SMURF1: variants seen among roughly 807,000 people sequenced by gnomAD.
SMURF1 encodes the protein E3 ubiquitin-protein ligase SMURF1.
Under a neutral mutation model 98.0 loss-of-function variants are expected in SMURF1, and 44 were observed. That is an observed-to-expected ratio of 0.45 (90% CI 0.35 to 0.58). The LOEUF (loss-of-function observed/expected upper bound fraction) is 0.58. SMURF1 is among the 20% of genes least tolerant of loss of function. SMURF1 has a pLI of 0.00. For missense variants in SMURF1, 687 were observed against 938.4 expected (o/e 0.73, Z 3.50); for synonymous variants, 396 against 374.9 (o/e 1.06, Z -0.65).
intron 1 of SMURF1, among the ~76,000 whole-genome samples, chr7:99,099,653 G>C (rs1011471324): frequency 1.3e-5 from 2 of 152,106 alleles, no homozygotes; most frequent in African/African-American, 2.4e-5. Context: ...TGGGTCATGG[G>C]GGTGGAGCTC....
intron 3 of SMURF1, among the ~76,000 whole-genome samples, chr7:99,059,828 A>C (rs1483728845): frequency 6.6e-6 from 1 of 151,242 alleles, no homozygotes; most frequent in Non-Finnish European, 1.5e-5. Flanking sequence ...GAATCACTTG[A>C]ATCCAGGAGG....
At position 99,030,602 on chromosome 7, in the gene SMURF1, G is replaced by T; in HGVS notation, c.2178C>A (p.Cys726Ter). ...EKLLTAVEET[C>*]GFAVE is the part of the protein sequence containing the mutation. ...TTGCTTTTCACTCCACAGCAAACCC[G>T]CAGGTCTCCTCCACGGCTGTCAGCA... Residue 726 changes from cysteine (C) to a stop codon, truncating the protein, a stop_gained, in exon 18 of 18, where the codon TGC becomes TGA. Coordinates refer to ENST00000361368, the MANE Select transcript of SMURF1 (RefSeq NM_181349.3). LOFTEE classifies it high-confidence loss of function. 6.2e-7 allele frequency: 1 copy of T among 1,614,128 alleles called. No individual in the cohort carries two copies. The highest frequency in any genetic ancestry group is 8.5e-7 in the Non-Finnish European group (1 of 1,180,000).
chr7:99,063,258 T>TATAAG, intron 1 of SMURF1, among the ~76,000 whole-genome samples: 1 of 5,772 alleles, frequency 1.7e-4, no homozygotes, highest in Non-Finnish European at 4.0e-4. Flanking sequence ...TATATATATA[T>TATAAG]ATATATATAT....
chr7:99,054,849 T>C lies in SMURF1; in HGVS notation c.420A>G (p.Arg140=), dbSNP rs771051257. 6.2e-7 allele frequency: 1 copy of C among 1,614,178 alleles called. No homozygotes were observed. The highest frequency in any genetic ancestry group is 8.5e-7 in the Non-Finnish European group (1 of 1,180,014). ...RGQIVVSLQT[R]DRIGTGGSVV... ...CCGAGCCGCCGGTTCCTATTCTGTC[T>C]CGTGTCTGTAAACTGACTAAAAGAG... The change falls in exon 6 of 18, where the codon CGA becomes CGG. Residue 140 remains arginine, a synonymous_variant. Coordinates refer to ENST00000361368, the MANE Select transcript of SMURF1 (RefSeq NM_181349.3).
intron 12 of SMURF1, 75 bp downstream of exon 12, chr7:99,042,043 C>A (rs1795406460): frequency 8.4e-7 from 1 of 1,185,390 alleles, no homozygotes; most frequent in Admixed American, 1.8e-5. Context: ...AGACCAAGGA[C>A]TGAGAATGAA....
chr7:99,122,348 A>AG (rs1797652454), intron 1 of SMURF1, among the ~76,000 whole-genome samples: 1 of 145,012 alleles, frequency 6.9e-6, no homozygotes, highest in East Asian at 2.1e-4. Flanking sequence ...AAGAAGAAGA[A>AG]GAAGAAAAAA....
At chr7:99,046,175 A>T (rs561614576) in intron 10 of SMURF1, among the ~76,000 whole-genome samples, 32 of 152,322 alleles carry the variant, frequency 2.1e-4, no homozygotes, top group Admixed American at 8.5e-4. Flanking sequence ...GACATTAGAA[A>T]GTCTGAATGC....
At chr7:99,137,261 T>C (rs1188296047) in intron 1 of SMURF1, among the ~76,000 whole-genome samples, 2 of 152,210 alleles carry the variant, frequency 1.3e-5, no homozygotes, top group East Asian at 3.8e-4. Flanking sequence ...TAACTACTCA[T>C]TAAAATATTT....
At chr7:99,089,847 C>T (rs1260332136) in intron 1 of SMURF1, among the ~76,000 whole-genome samples, 1 of 152,164 alleles carries the variant, frequency 6.6e-6, no homozygotes, top group South Asian at 2.1e-4. Flanking sequence ...TTTCTGCAAA[C>T]CCACCTACAT....
rs17161589 is a variant in SMURF1 at position 99,124,955 on chromosome 7, A to G, written c.55+18771T>C. On this transcript the variant is annotated intron_variant, in intron 1 of 17. Coordinates refer to ENST00000361368, the MANE Select transcript of SMURF1 (RefSeq NM_181349.3). ...CATTAACTTAGTAACCATGTACAGA[A>G]TGGATAAACAGTATTTACTTCCTCT... 6.3e-3 allele frequency among the ~76,000 whole-genome samples: 967 copies of G among 152,340 alleles called. 24 individuals are homozygous for G. The East Asian group carries it at 0.07, about 11-fold the overall frequency.
intron 16 of SMURF1, among the ~76,000 whole-genome samples, chr7:99,034,394 G>A (rs930343239): frequency 4.6e-5 from 7 of 152,214 alleles, no homozygotes; most frequent in African/African-American, 1.7e-4. Flanking sequence ...TAAGCAGGAA[G>A]GTTTAGCATG....
At chr7:99,063,861 C>T (rs1584471595) in intron 1 of SMURF1, among the ~76,000 whole-genome samples, 1 of 151,458 alleles carries the variant, frequency 6.6e-6, no homozygotes, top group African/African-American at 2.4e-5. Flanking sequence ...ACTGCAGCCT[C>T]GAACTCCTGG....
intron 8 of SMURF1, chr7:99,049,921 CA>C: frequency 4.3e-6 from 2 of 460,922 alleles, no homozygotes; most frequent in Non-Finnish European, 7.5e-6. Context: ...GATTTAAAAC[CA>C]AACTTTCAGG....
At chr7:99,061,262 G>A (rs1398869657) in intron 2 of SMURF1, among the ~76,000 whole-genome samples, 1 of 152,190 alleles carries the variant, frequency 6.6e-6, no homozygotes, top group Non-Finnish European at 1.5e-5. Flanking sequence ...CTTAAGAACT[G>A]AAAGATGTCT....
chr7:99,059,414 AAATAAAATAAAATAAAATAAAAT>A (rs1563010585), intron 3 of SMURF1, among the ~76,000 whole-genome samples: 8 of 52,664 alleles, frequency 1.5e-4, no homozygotes, highest in Non-Finnish European at 3.3e-4. Flanking sequence ...AAATAAAATA[AAATAAAATAAAATAAAATAAAAT>A]AAAATAAAAT....
intron 1 of SMURF1, among the ~76,000 whole-genome samples, chr7:99,084,394 G>A (rs1796634332): frequency 6.6e-6 from 1 of 152,082 alleles, no homozygotes; most frequent in Non-Finnish European, 1.5e-5. Context: ...TCCGCCCGAG[G>A]GTTGAACAAA....
At chr7:99,123,298 G>C (rs1164567345) in intron 1 of SMURF1, among the ~76,000 whole-genome samples, 1 of 152,166 alleles carries the variant, frequency 6.6e-6, no homozygotes, top group Non-Finnish European at 1.5e-5. Flanking sequence ...AGCACTTTGG[G>C]AGGCTGAGAG....
intron 1 of SMURF1, among the ~76,000 whole-genome samples, chr7:99,084,690 T>C (rs772450705): frequency 2.0e-5 from 3 of 152,106 alleles, no homozygotes; most frequent in Non-Finnish European, 4.4e-5. Context: ...GCCGACTTTA[T>C]TTCTTAGAGC....
chr7:99,119,656 C>A (rs910248482), intron 1 of SMURF1, among the ~76,000 whole-genome samples: 1 of 152,164 alleles, frequency 6.6e-6, no homozygotes, highest in African/African-American at 2.4e-5. Flanking sequence ...TCCTCAGGAC[C>A]CATGGCTCTC....
Sources: allele counts gnomAD v4.1 joint callset (sites outside exome capture counted in the v4.1 genomes callset), GRCh38; gene constraint gnomAD v4.1.1; transcripts MANE v1.5; gene names NCBI Gene and HGNC (gene_info 2026-07-23, HGNC 2026-07-21).